The following DAB1 variants were observed in gnomAD, a reference collection of about 807,000 sequenced individuals.
DAB1 encodes disabled homolog 1.
In DAB1, 15 loss-of-function variants were observed where a neutral mutation model predicts 64.6. That is an observed-to-expected ratio of 0.23 (90% confidence interval 0.16 to 0.36). DAB1 has a LOEUF of 0.36. Ranked by LOEUF, DAB1 falls within the 10% of genes least tolerant of loss-of-function variation. The pLI is 1.00. For synonymous variants in DAB1, 235 were observed against 251.9 expected (o/e 0.93, Z 0.64); for missense variants, 596 against 706.7 (o/e 0.84, Z 1.78).
At chr1:58,044,956 A>G (rs927711509) in intron 5 of DAB1, among the ~76,000 whole-genome samples, 13 of 152,234 alleles carry the variant, frequency 8.5e-5, no homozygotes, top group Admixed American at 1.3e-4. Flanking sequence ...GCCCAAGGTC[A>G]CATAGCTAAT....
chr1:57,087,344 C>A (rs1653188858), intron 4 of DAB1, among the ~76,000 whole-genome samples: 2 of 152,210 alleles, frequency 1.3e-5, no homozygotes, highest in Non-Finnish European at 1.5e-5. Context: ...GGCAAGTTAG[C>A]CTCACTGGGG....
At chr1:58,423,718 G>T (rs558330534) in intron 3 of DAB1, among the ~76,000 whole-genome samples, 56 of 152,312 alleles carry the variant, frequency 3.7e-4, no homozygotes, top group African/African-American at 1.3e-3. Context: ...TACAGCTCCT[G>T]CCAGGTGACC....
intron 5 of DAB1, among the ~76,000 whole-genome samples, chr1:57,991,069 G>C (rs930296888): frequency 1.3e-5 from 2 of 152,130 alleles, no homozygotes; most frequent in African/African-American, 4.8e-5. Flanking sequence ...CTACAACATA[G>C]GTTTTGTTAC....
chr1:58,136,378 C>T (rs1179273331), intron 5 of DAB1, among the ~76,000 whole-genome samples: 1 of 152,164 alleles, frequency 6.6e-6, no homozygotes, highest in East Asian at 1.9e-4. Context: ...GTCCCCCACG[C>T]CCTGTGTCCA....
intron 3 of DAB1, among the ~76,000 whole-genome samples, chr1:58,463,215 C>T (rs1003028318): frequency 2.6e-5 from 4 of 152,194 alleles, no homozygotes; most frequent in African/African-American, 7.2e-5. Context: ...GATTTAATTA[C>T]GTTGAGCCTT....
intron 4 of DAB1, among the ~76,000 whole-genome samples, chr1:58,282,879 T>C (rs1407093991): frequency 2.0e-5 from 3 of 152,178 alleles, no homozygotes; most frequent in African/African-American, 7.2e-5. Context: ...GCAACAAGTA[T>C]AGACTAAAAG....
intron 4 of DAB1, among the ~76,000 whole-genome samples, chr1:58,296,125 G>GA (rs370538255): frequency 1.2e-5 from 1 of 80,472 alleles, no homozygotes; most frequent in Middle Eastern, 5.9e-3. Context: ...AAGCGAGAAA[G>GA]AAAAAAAAGA....
intron 2 of DAB1, among the ~76,000 whole-genome samples, chr1:57,260,561 G>A (rs1392526422): frequency 6.6e-6 from 1 of 152,118 alleles, no homozygotes; most frequent in African/African-American, 2.4e-5. Flanking sequence ...TAGACTGCCT[G>A]TTAAGAGTCA....
At chr1:57,617,427 A>G (rs991096844) in intron 7 of DAB1, among the ~76,000 whole-genome samples, 5 of 151,672 alleles carry the variant, frequency 3.3e-5, no homozygotes, top group Non-Finnish European at 7.4e-5. Context: ...CTTACTAAAT[A>G]TTTTCCACAA....
At chr1:58,502,057 G>A (rs1418041735) in intron 3 of DAB1, among the ~76,000 whole-genome samples, 1 of 152,036 alleles carries the variant, frequency 6.6e-6, no homozygotes, top group Non-Finnish European at 1.5e-5. Flanking sequence ...ACAGATGACT[G>A]ATAAATACTT....
chr1:58,294,827 A>G (rs971237320), intron 4 of DAB1, among the ~76,000 whole-genome samples: 2 of 150,534 alleles, frequency 1.3e-5, no homozygotes, highest in Non-Finnish European at 3.0e-5. Context: ...CGGGATTTAC[A>G]CTCTTCTAAG....
chr1:57,791,458 A>G (rs1184949405), intron 6 of DAB1, among the ~76,000 whole-genome samples: 1 of 152,190 alleles, frequency 6.6e-6, no homozygotes, highest in Non-Finnish European at 1.5e-5. Context: ...TATTTCACAT[A>G]TGGAGTGAAG....
intron 1 of DAB1, among the ~76,000 whole-genome samples, chr1:57,341,430 C>G (rs1570320578): frequency 6.6e-6 from 1 of 152,304 alleles, no homozygotes; most frequent in East Asian, 1.9e-4. Context: ...CTACCCTATG[C>G]CTATAAACAC....
intron 4 of DAB1, among the ~76,000 whole-genome samples, chr1:58,158,561 C>T (rs1342433781): frequency 1.3e-5 from 2 of 152,094 alleles, no homozygotes; most frequent in Non-Finnish European, 2.9e-5. Flanking sequence ...GAAGGTGAGA[C>T]TCGAAGGTGG....
chr1:58,292,129 A>G (rs1217540858), intron 4 of DAB1, among the ~76,000 whole-genome samples: 1 of 152,154 alleles, frequency 6.6e-6, no homozygotes. Context: ...TGGGGTTTAT[A>G]CCATCTGCTC....
chr1:57,376,802 G>T (rs1262698548), intron 1 of DAB1, among the ~76,000 whole-genome samples: 1 of 152,186 alleles, frequency 6.6e-6, no homozygotes, highest in East Asian at 1.9e-4. Flanking sequence ...CTGAAAAACT[G>T]CCATCTTCAA....
At chr1:57,859,104 A>G (rs1653888439) in intron 1 of DAB1, among the ~76,000 whole-genome samples, 1 of 150,662 alleles carries the variant, frequency 6.6e-6, no homozygotes, top group Non-Finnish European at 1.5e-5. Context: ...AACTTCCCTA[A>G]GCAGCCGAGA....
rs570859492 is a variant in DAB1 at position 57,911,841 on chromosome 1, T to C, written n.388-27679A>G. 2.0e-5 allele frequency among the ~76,000 whole-genome samples: 3 copies of C among 152,326 alleles called. No homozygotes were observed. The East Asian group carries it at 5.8e-4, about 29-fold the overall frequency. ...GCTCTAGATACACTATAGCTTTCCT[T>C]ATTCCCTCAGCACTAGGTAGGGAGC... On this transcript the variant is annotated intron_variant and non_coding_transcript_variant, in intron 5 of 20. Coordinates refer to the DAB1 transcript ENST00000485760.
chr1:57,952,050 T>C (rs1645290560), intron 5 of DAB1, among the ~76,000 whole-genome samples: 1 of 152,174 alleles, frequency 6.6e-6, no homozygotes, highest in Admixed American at 6.6e-5. Context: ...CTTTTACTAA[T>C]GCACCTCCTA....
Sources: allele counts gnomAD v4.1 joint callset (sites outside exome capture counted in the v4.1 genomes callset), GRCh38; gene constraint gnomAD v4.1.1; transcripts MANE v1.5; gene names NCBI Gene and HGNC (gene_info 2026-07-23, HGNC 2026-07-21).